Variants in ELFN1 observed in about 807,000 individuals in gnomAD.
The protein encoded by ELFN1 is extracellular leucine rich repeat and fibronectin type III domain containing 1.
In ELFN1, 6 loss-of-function variants were observed where a neutral mutation model predicts 7.6. That is an observed-to-expected ratio of 0.79 (90% CI 0.43 to 1.56). The LOEUF is 1.56. Ranked by LOEUF, ELFN1 falls within the 40% of genes most tolerant of loss-of-function variation. The probability of loss-of-function intolerance (pLI) is 0.01; values close to 1 mark genes in which losing one functional copy is unlikely to be tolerated. For missense variants in ELFN1, 1,169 were observed against 1,232.2 expected (o/e 0.95, Z 0.77); for synonymous variants, 657 against 588.1 (o/e 1.12, Z -1.70).
upstream of ELFN1, among the ~76,000 whole-genome samples, chr7:1,670,133 G>T (rs1454458382): frequency 1.3e-5 from 2 of 148,850 alleles, no homozygotes; most frequent in Non-Finnish European, 3.0e-5. The surrounding 1 kb of genome is among the most constrained non-coding windows in gnomAD (Gnocchi z 6.4). Flanking sequence ...AGGCGGGCGA[G>T]GGAGCGAGGG....
chr7:1,743,091 G>A (rs1338677942), intron 3 of ELFN1, among the ~76,000 whole-genome samples: 2 of 152,154 alleles, frequency 1.3e-5, no homozygotes, highest in Non-Finnish European at 2.9e-5. Flanking sequence ...GTAGTGGTGG[G>A]GGGGTCCATG....
chr7:1,726,749 G>A (rs534860208), intron 3 of ELFN1, among the ~76,000 whole-genome samples: 8 of 152,286 alleles, frequency 5.3e-5, no homozygotes, highest in South Asian at 2.1e-4. Context: ...AGGGGCCGTC[G>A]TCCCAGCCTC....
chr7:1,724,713 C>T (rs925863156), intron 3 of ELFN1, among the ~76,000 whole-genome samples: 9 of 152,168 alleles, frequency 5.9e-5, no homozygotes, highest in African/African-American at 2.2e-4. Flanking sequence ...CGCGACTCCC[C>T]CCAGGGCCTG....
At chr7:1,700,209 A>G (rs1352218757) in intron 2 of ELFN1, among the ~76,000 whole-genome samples, 2 of 152,168 alleles carry the variant, frequency 1.3e-5, no homozygotes, top group African/African-American at 4.8e-5. Context: ...CAAGCCGTCT[A>G]TACAGCAGGG....
At chr7:1,734,841 G>T (rs908444550) in intron 3 of ELFN1, among the ~76,000 whole-genome samples, 3 of 152,058 alleles carry the variant, frequency 2.0e-5, no homozygotes, top group Non-Finnish European at 4.4e-5. Flanking sequence ...GGGATCACAG[G>T]CGCACGCCAC....
rs552293846 is a variant in ELFN1, at chr7:1,745,956, G to A, written c.1360G>A (p.Ala454Thr). The change falls in exon 4 of 4, where the codon GCC becomes ACC. Residue 454 changes from alanine (A) to threonine (T), a missense_variant. Ala to Thr is a moderately conservative substitution (Grantham distance 58). This residue lies in a region of ELFN1 where 914 missense variants were observed against 872.6 expected (regional missense o/e 1.05). Transcript: ENST00000424383. Reference sequence around the variant, plus strand: ...CCAGGAGGAGAAGCACAAGAAGGCCGCCTCGGCAGCCGCAGCTGGCAGCCT... The same window carrying A: ...CCAGGAGGAGAAGCACAAGAAGGCCACCTCGGCAGCCGCAGCTGGCAGCCT... ...RRQEEKHKKAASAAAAGSLKK... is the reference protein window; with the variant it reads ...RRQEEKHKKATSAAAAGSLKK... 338 of 1,547,578 alleles carry A rather than the reference G, an allele frequency of 2.2e-4. No individual in the cohort carries two copies. Among genetic ancestry groups the A allele is most frequent in the Non-Finnish European group, 2.3e-4 (266 of 1,145,512 alleles).
At chr7:1,720,255 C>T (rs6972238) in intron 3 of ELFN1, among the ~76,000 whole-genome samples, 31,693 of 152,192 alleles carry the variant, frequency 0.21, 3,394 homozygotes, top group Admixed American at 0.25. Flanking sequence ...CGGCCTCTGC[C>T]CTTACTCCAG....
intron 1 of ELFN1, among the ~76,000 whole-genome samples, chr7:1,677,410 G>A (rs1286572614): frequency 6.6e-6 from 1 of 152,256 alleles, no homozygotes; most frequent in African/African-American, 2.4e-5. Flanking sequence ...TCATTTGCGT[G>A]TGGCTCTGGG....
intron 3 of ELFN1, among the ~76,000 whole-genome samples, chr7:1,727,057 G>A (rs1055954660): frequency 2.6e-5 from 4 of 152,180 alleles, no homozygotes; most frequent in African/African-American, 4.8e-5. Context: ...TCCATCACGC[G>A]TGTTCTCTTC....
rs768937824 is a variant in ELFN1 at position 1,703,570 on chromosome 7, G to A, written c.-455-5521G>A. 4.6e-5 allele frequency among the ~76,000 whole-genome samples: 7 copies of A among 152,112 alleles called. No individual in the cohort carries two copies. In the South Asian group the frequency reaches 6.2e-4, roughly 14 times the overall value. The stretch of plus-strand genomic sequence containing the variant: ...GTGGGGCTGTGGGGTGTGAAGTGAG[G>A]AGTTAATTGCCGCTTGCAGTTTACC... On this transcript the variant is annotated intron_variant, in intron 2 of 3. Coordinates refer to ENST00000424383, the MANE Select transcript of ELFN1 (RefSeq NM_001128636.4).
chr7:1,710,869 C>A (rs1779634487), intron 3 of ELFN1, among the ~76,000 whole-genome samples: 1 of 152,232 alleles, frequency 6.6e-6, no homozygotes, highest in Non-Finnish European at 1.5e-5. Flanking sequence ...GATCATGAAC[C>A]CAACTTTCTC....
At position 1,746,651 on chromosome 7, in the gene ELFN1, C is replaced by T. The variant is rs1459037182; in HGVS notation, c.2055C>T (p.Pro685=). Residue 685 remains proline, a synonymous_variant, in exon 4 of 4, where the codon CCC becomes CCT. Coordinates refer to ENST00000424383, the MANE Select transcript of ELFN1 (RefSeq NM_001128636.4). ...CCGACGCCATCCTCACTGTGACACC[C>T]GCGGCCGCCGTGCTGCGGGCCGAGG... is the stretch of plus-strand genomic sequence containing the variant. ...PAADAILTVT[P]AAAVLRAEAE... 6 of 1,360,806 alleles carry T rather than the reference C, an allele frequency of 4.4e-6. No homozygotes were observed. Among genetic ancestry groups the T allele is most frequent in the Non-Finnish European group, 3.8e-6 (4 of 1,062,654 alleles). 84.3% of individuals were successfully genotyped at this position (1,360,806 alleles called of 1,614,324 possible). A position where few individuals can be genotyped will look rare whatever the true frequency, so the allele number is the denominator to read the frequency against.
At position 1,708,697 on chromosome 7, in the gene ELFN1, C is replaced by A. The variant is rs150654802; in HGVS notation, c.-455-394C>A. Among the ~76,000 whole-genome samples the A allele has an allele frequency of 4.7e-3, 711 of 152,224 alleles. 6 individuals are homozygous for A. Among genetic ancestry groups the A allele is most frequent in the Middle Eastern group, 0.014 (4 of 294 alleles). ...GCCTGGAAGGTTCCCACGGACCCAA[C>A]AGCCCCAGAGGCTCTGGGGCTGTAG... On this transcript the variant is annotated intron_variant, in intron 2 of 3. Coordinates refer to ENST00000424383, the MANE Select transcript of ELFN1 (RefSeq NM_001128636.4).
At chr7:1,732,858 G>A (rs1279460977) in intron 3 of ELFN1, among the ~76,000 whole-genome samples, 3 of 152,112 alleles carry the variant, frequency 2.0e-5, no homozygotes, top group Non-Finnish European at 4.4e-5. Context: ...AACAAGCTTC[G>A]GGGAAAGGCT....
At chr7:1,724,897 T>C (rs1250196349) in intron 3 of ELFN1, among the ~76,000 whole-genome samples, 2 of 151,814 alleles carry the variant, frequency 1.3e-5, no homozygotes, top group African/African-American at 4.9e-5. Flanking sequence ...TCTGAGGGCA[T>C]CATCATCTTC....
At chr7:1,712,512 A>G (rs1247783878) in intron 3 of ELFN1, among the ~76,000 whole-genome samples, 1 of 150,546 alleles carries the variant, frequency 6.6e-6, no homozygotes, top group Non-Finnish European at 1.5e-5. Flanking sequence ...GCTCACTGCA[A>G]CCTCCACCTC....
chr7:1,680,493 T>G (rs13310488), intron 1 of ELFN1, among the ~76,000 whole-genome samples: 2 of 152,148 alleles, frequency 1.3e-5, no homozygotes, highest in Admixed American at 1.3e-4. Context: ...TTGCGTGAGC[T>G]TGCTTCTTTT....
intron 3 of ELFN1, among the ~76,000 whole-genome samples, chr7:1,714,840 C>A (rs922773295): frequency 3.9e-5 from 6 of 152,188 alleles, no homozygotes; most frequent in African/African-American, 1.4e-4. Flanking sequence ...ATGGTTGAAC[C>A]CCACGTGGGG....
chr7:1,746,706 C>T lies in ELFN1; in HGVS notation c.2110C>T (p.Arg704Trp), dbSNP rs772957889. Residue 704 changes from arginine to tryptophan, a missense_variant, in exon 4 of 4, where the codon CGG (arginine) becomes TGG (tryptophan). By Grantham distance (101) the Arg-to-Trp change is moderately radical (BLOSUM62 -3). Coordinates refer to ENST00000424383, the MANE Select transcript of ELFN1 (RefSeq NM_001128636.4). ...AEKGRQYGEH[R>W]HSYPGSHPAE... is the part of the protein sequence containing the mutation. ...GAAGGGTCGCCAGTACGGCGAGCAC[C>T]GGCACTCGTACCCCGGCTCCCACCC... 5.4e-6 allele frequency: 8 copies of T among 1,468,934 alleles called. No individual in the cohort carries two copies. The highest frequency in any genetic ancestry group is 2.4e-5 in the Admixed American group (1 of 41,614). The allele number at this position is 1,468,934 out of a possible 1,614,324, so 91.0% of individuals were successfully genotyped here.
Sources: gnomAD v4.1 joint callset for allele counts (sites outside exome capture counted in the v4.1 genomes callset) on GRCh38, gnomAD v4.1.1 for gene constraint, gnomAD v4.1.1 regional missense constraint, Gnocchi (gnomAD v3.1) non-coding constraint, MANE v1.5 for transcripts, NCBI Gene and HGNC (gene_info 2026-07-23, HGNC 2026-07-21) for gene names.